Variants in ACOXL observed in about 807,000 individuals in gnomAD.
ACOXL encodes the protein acyl-coenzyme A oxidase-like protein.
A neutral mutation model predicts 71.9 loss-of-function variants in ACOXL; 70 were observed. The ratio of observed to expected loss-of-function variants is 0.97; its 90% CI spans 0.80 to 1.19. The LOEUF is 1.19. ACOXL is among the 50% of genes most tolerant of loss of function. The pLI is 0.00. For missense variants in ACOXL, 703 were observed against 736.3 expected (o/e 0.95, Z 0.52); for synonymous variants, 253 against 281.6 (o/e 0.90, Z 1.02).
intron 10 of ACOXL, among the ~76,000 whole-genome samples, chr2:110,864,947 G>A (rs1164131310): frequency 6.6e-6 from 1 of 152,224 alleles, no homozygotes; most frequent in African/African-American, 2.4e-5. Flanking sequence ...TTTCTAGCAA[G>A]TGGGTTGATG....
intron 12 of ACOXL, among the ~76,000 whole-genome samples, chr2:110,985,343 T>C (rs1397205058): frequency 6.6e-6 from 1 of 152,160 alleles, no homozygotes; most frequent in African/African-American, 2.4e-5. Context: ...ATGCCCTCTT[T>C]TTGACAATAA....
chr2:110,830,442 T>A (rs1407588197), intron 9 of ACOXL, among the ~76,000 whole-genome samples: 2 of 152,174 alleles, frequency 1.3e-5, no homozygotes, highest in Non-Finnish European at 2.9e-5. Flanking sequence ...CATTTTTTTT[T>A]AAACAGCTGT....
At chr2:110,959,674 C>A (rs763221671) in intron 12 of ACOXL, among the ~76,000 whole-genome samples, 3 of 152,136 alleles carry the variant, frequency 2.0e-5, no homozygotes, top group Admixed American at 6.5e-5. Flanking sequence ...CCATTTCTAG[C>A]CTACCTCCCC....
intron 2 of ACOXL, among the ~76,000 whole-genome samples, chr2:110,768,774 C>T (rs2104992525): frequency 6.6e-6 from 1 of 152,270 alleles, no homozygotes; most frequent in South Asian, 2.1e-4. Context: ...CAGTGTTTAG[C>T]TCTCACTTAT....
chr2:110,849,026 C>T (rs13397960), intron 10 of ACOXL, among the ~76,000 whole-genome samples: 28,717 of 152,210 alleles, frequency 0.19, 2,720 homozygotes, highest in South Asian at 0.23. Flanking sequence ...CTCTCGCCGA[C>T]CAGTGAACTC....
chr2:111,109,557 T>C (rs1158998057), intron 17 of ACOXL, among the ~76,000 whole-genome samples: 1 of 152,152 alleles, frequency 6.6e-6, no homozygotes, highest in African/African-American at 2.4e-5. Flanking sequence ...TGAATTTTTA[T>C]CTCAAATATC....
intron 12 of ACOXL, among the ~76,000 whole-genome samples, chr2:110,935,399 G>A (rs1026088763): frequency 3.3e-5 from 5 of 152,066 alleles, no homozygotes; most frequent in African/African-American, 9.7e-5. Context: ...TCATCCCTTC[G>A]TCCTGGCCTC....
chr2:110,824,907 T>C (rs1055422216), intron 9 of ACOXL, among the ~76,000 whole-genome samples: 5 of 152,218 alleles, frequency 3.3e-5, no homozygotes, highest in African/African-American at 7.2e-5. Flanking sequence ...TTGGACGTTA[T>C]GATTGTTGTG....
intron 14 of ACOXL, among the ~76,000 whole-genome samples, chr2:111,029,786 A>T (rs1382183204): frequency 6.6e-6 from 1 of 152,168 alleles, no homozygotes; most frequent in Non-Finnish European, 1.5e-5. Context: ...ATATTGACAT[A>T]TAAGGAAGAG....
At chr2:110,943,803 A>G (rs1400828003) in intron 12 of ACOXL, among the ~76,000 whole-genome samples, 1 of 152,072 alleles carries the variant, frequency 6.6e-6, no homozygotes, top group African/African-American at 2.4e-5. Context: ...AGACCCAGGT[A>G]TGTCCTGGCC....
At chr2:110,814,961 A>G (rs1015437630) in intron 9 of ACOXL, among the ~76,000 whole-genome samples, 11 of 152,116 alleles carry the variant, frequency 7.2e-5, no homozygotes, top group East Asian at 1.9e-4. Context: ...GCCTTCATCA[A>G]TGTATTAGTT....
At chr2:110,757,544 G>A (rs777956064) in intron 1 of ACOXL, among the ~76,000 whole-genome samples, 24 of 151,962 alleles carry the variant, frequency 1.6e-4, no homozygotes, top group Non-Finnish European at 2.5e-4. Context: ...CTCGTTCTCC[G>A]CAACCTCGCC....
rs17041617 is a variant in ACOXL at position 110,907,675 on chromosome 2, C to T, written c.789-1114C>T. ...ACAAAATGAGGCTGTACTCACGGTG[C>T]TTGCACGCGGCCTTCCTTGTGTGTG... is the stretch of plus-strand genomic sequence containing the variant. On this transcript the variant is annotated intron_variant, in intron 10 of 17. Transcript: ENST00000439055. Among the ~76,000 whole-genome samples the T allele has an allele frequency of 7.7e-3, 1,176 of 152,284 alleles. 17 individuals are homozygous for T. The highest frequency in any genetic ancestry group is 0.026 in the African/African-American group (1,092 of 41,548).
At chr2:110,976,099 C>T (rs936294347) in intron 12 of ACOXL, among the ~76,000 whole-genome samples, 2 of 152,058 alleles carry the variant, frequency 1.3e-5, no homozygotes, top group East Asian at 1.9e-4. Flanking sequence ...CTGAAAACAA[C>T]CTGGAGAATT....
Position 110,805,311 on chromosome 2 carries a change from CAA to C in ACOXL, c.670_671del (p.Lys224GlufsTer37). On this transcript the variant is annotated frameshift_variant, in exon 9 of 18. Transcript: ENST00000439055. LOFTEE classifies it high-confidence loss of function. ...GACAGTACCATTCGCCTATTAGGAA[CAA>C]GAGTGCAAGATTCAATGCCATGCTG... ...DGQYHSPIRN[K>X]SARFNAMLAA... 6.2e-7 allele frequency: 1 copy of C among 1,614,246 alleles called. No homozygotes were observed. The highest frequency in any genetic ancestry group is 8.5e-7 in the Non-Finnish European group (1 of 1,180,042).
At position 110,873,402 on chromosome 2, in the gene ACOXL, C is replaced by T. The variant is rs77150324; in HGVS notation, c.788+31997C>T. On this transcript the variant is annotated intron_variant, in intron 10 of 17. Transcript: ENST00000439055. ...AGCTCTAGGGAAGCAGTGTGTCAGGCGGTTGGGGGATGGTCCACAGGATGC... is the reference window on the plus strand; with the variant it reads ...AGCTCTAGGGAAGCAGTGTGTCAGGTGGTTGGGGGATGGTCCACAGGATGC... Among the ~76,000 whole-genome samples, 555 of 152,230 alleles carry T rather than the reference C, an allele frequency of 3.6e-3. 8 individuals are homozygous for T. Among genetic ancestry groups the T allele is most frequent in the African/African-American group, 0.013 (533 of 41,526 alleles).
intron 17 of ACOXL, among the ~76,000 whole-genome samples, chr2:111,095,222 G>GGA (rs2068739121): frequency 1.4e-5 from 2 of 140,308 alleles, no homozygotes; most frequent in East Asian, 2.1e-4. Flanking sequence ...TTTTTAATTA[G>GGA]AAAAAAAAAA....
chr2:110,869,400 C>T (rs1426696603), intron 10 of ACOXL, among the ~76,000 whole-genome samples: 1 of 152,188 alleles, frequency 6.6e-6, no homozygotes, highest in East Asian at 1.9e-4. Context: ...GTTCTGTCAC[C>T]CCAAAGGCCT....
chr2:111,032,510 C>A (rs954470228), intron 15 of ACOXL, among the ~76,000 whole-genome samples: 1 of 152,144 alleles, frequency 6.6e-6, no homozygotes, highest in African/African-American at 2.4e-5. Context: ...TGTTTAATTT[C>A]AAGAATCGTC....
Sources: allele counts gnomAD v4.1 joint callset (sites outside exome capture counted in the v4.1 genomes callset), GRCh38; gene constraint gnomAD v4.1.1; transcripts MANE v1.5; gene names NCBI Gene and HGNC (gene_info 2026-07-23, HGNC 2026-07-21).